MALT1: variants seen among roughly 807,000 people sequenced by gnomAD.
MALT1 encodes MALT1 paracaspase, also known as mucosa-associated lymphoid tissue lymphoma translocation protein 1.
Under a neutral mutation model 85.5 loss-of-function variants are expected in MALT1, and 36 were observed. The ratio of observed to expected loss-of-function variants is 0.42; its 90% CI spans 0.32 to 0.56. The LOEUF is 0.56. Among genes scored for constraint, MALT1 ranks in the 20% least tolerant of loss-of-function variants. MALT1 has a pLI of 0.10. For missense variants in MALT1, 716 were observed against 981.6 expected (o/e 0.73, Z 3.62); for synonymous variants, 359 against 361.3 (o/e 0.99, Z 0.07).
chr18:58,692,063 AAAAAAGAG>A (rs1336581429), intron 2 of MALT1: 1 of 154,248 alleles, frequency 6.5e-6, no homozygotes, highest in African/African-American at 2.4e-5. Flanking sequence ...AAAAAAAAAA[AAAAAAGAG>A]GGTGGTTGTG....
chr18:58,672,229 A>C, intron 1 of MALT1: 3 of 173,704 alleles, frequency 1.7e-5, no homozygotes, highest in Non-Finnish European at 2.4e-5. Context: ...ATGCAAAAGA[A>C]AGGGATGTGG....
Position 58,692,067 on chromosome 18 carries a change from AAGAG to A in MALT1, c.377-4298_377-4295del, listed in dbSNP as rs1396184851. The A allele has an allele frequency of 3.5e-3, 539 of 152,176 alleles. 3 individuals are homozygous for A. The highest frequency in any genetic ancestry group is 0.013 in the African/African-American group (518 of 40,496). 9.4% of individuals were successfully genotyped at this position (152,176 alleles called of 1,614,324 possible). ...TCAAAAAAAAAAAAAAAAAAAAAAA[AAGAG>A]GGTGGTTGTGGAATGCGTTGGGCTG... On this transcript the variant is annotated intron_variant, in intron 2 of 16. Transcript: ENST00000649217.
intron 14 of MALT1, among the ~76,000 whole-genome samples, chr18:58,743,384 G>A (rs1230216905): frequency 6.6e-6 from 1 of 152,042 alleles, no homozygotes; most frequent in Non-Finnish European, 1.5e-5. Context: ...CTCAAAAAAA[G>A]AATTTATTCT....
At chr18:58,698,945 C>G (rs554044938) in intron 3 of MALT1, among the ~76,000 whole-genome samples, 15 of 152,284 alleles carry the variant, frequency 9.9e-5, no homozygotes, top group African/African-American at 2.6e-4. Flanking sequence ...TGGTCTGTTG[C>G]CTGGGGGTAA....
chr18:58,675,368 T>A (rs1481128668), intron 1 of MALT1: 2 of 152,188 alleles, frequency 1.3e-5, no homozygotes, highest in East Asian at 3.8e-4. Flanking sequence ...TTCATGCAGT[T>A]TATTATAGGA....
Position 58,749,775 on chromosome 18 carries a change from C to A in MALT1, c.*1933C>A, listed in dbSNP as rs1292777384. Reference sequence around the variant, plus strand: ...AAAACTCTTTCATAAAAACACTCAACAAACTTAGGAATAAAAGGAATCTTC... The same window carrying A: ...AAAACTCTTTCATAAAAACACTCAAAAAACTTAGGAATAAAAGGAATCTTC... On this transcript the variant is annotated 3_prime_UTR_variant, in exon 17 of 17. Coordinates refer to ENST00000649217, the MANE Select transcript of MALT1 (RefSeq NM_006785.4). The A allele has an allele frequency of 4.7e-6, 1 of 214,978 alleles. No homozygotes were observed. Among genetic ancestry groups the A allele is most frequent in the Non-Finnish European group, 9.4e-6 (1 of 106,576 alleles). 13.3% of individuals were successfully genotyped at this position (214,978 alleles called of 1,614,324 possible).
rs79016036 is a variant in MALT1, at chr18:58,707,437, T to A, written c.650-1941T>A. Among the ~76,000 whole-genome samples, 11 of 152,234 alleles carry A rather than the reference T, an allele frequency of 7.2e-5. No homozygotes were observed. The East Asian group carries it at 7.7e-4, about 11-fold the overall frequency. Reference sequence around the variant, plus strand: ...ATTTCAACATTAGAAAATTTTTTTTTAATTATACTCTAAGTTTTGGGATAC... The same window carrying A: ...ATTTCAACATTAGAAAATTTTTTTTAAATTATACTCTAAGTTTTGGGATAC... On this transcript the variant is annotated intron_variant, in intron 4 of 16. Transcript: ENST00000649217.
At chr18:58,737,479 C>CAAAAAAAAA (rs778635527) in intron 13 of MALT1, among the ~76,000 whole-genome samples, 1 of 102,554 alleles carries the variant, frequency 9.8e-6, no homozygotes, top group Non-Finnish European at 2.2e-5. Flanking sequence ...AGCCCCATCT[C>CAAAAAAAAA]AAAAAAAAAA....
At chr18:58,733,635 G>C in intron 11 of MALT1, 61 bp downstream of exon 11, 1 of 1,296,526 alleles carries the variant, frequency 7.7e-7, no homozygotes, top group Non-Finnish European at 1.1e-6. Flanking sequence ...TGACAAACTA[G>C]AGAAACCTGT....
At chr18:58,680,474 T>C (rs970743945) in intron 1 of MALT1, among the ~76,000 whole-genome samples, 25 of 152,202 alleles carry the variant, frequency 1.6e-4, no homozygotes, top group Non-Finnish European at 3.2e-4. Flanking sequence ...TTGCTAACCT[T>C]GTAACACTGA....
At chr18:58,673,149 G>C (rs1298015902) in intron 1 of MALT1, among the ~76,000 whole-genome samples, 2 of 151,836 alleles carry the variant, frequency 1.3e-5, no homozygotes, top group Admixed American at 6.6e-5. Flanking sequence ...GTTATGTATA[G>C]AGGTTAGTAA....
At chr18:58,733,621 A>G in intron 11 of MALT1, 47 bp downstream of exon 11, 1 of 1,377,894 alleles carries the variant, frequency 7.3e-7, no homozygotes, top group Non-Finnish European at 1.0e-6. Flanking sequence ...TTAAATATCG[A>G]CCATGACAAA....
chr18:58,740,646 T>C (rs1352871964), intron 13 of MALT1, among the ~76,000 whole-genome samples: 2 of 152,208 alleles, frequency 1.3e-5, no homozygotes, highest in Non-Finnish European at 2.9e-5. Context: ...ATTGCTATGC[T>C]TTGAAATTTG....
intron 4 of MALT1, among the ~76,000 whole-genome samples, chr18:58,701,344 G>A (rs12968005): frequency 0.57 from 85,838 of 151,872 alleles, 25,474 homozygotes; most frequent in Non-Finnish European, 0.66. Context: ...ACATCTTTGC[G>A]TCACTTCTTC....
chr18:58,743,664 T>G (rs2055330840), intron 14 of MALT1, among the ~76,000 whole-genome samples: 1 of 152,032 alleles, frequency 6.6e-6, no homozygotes, highest in Non-Finnish European at 1.5e-5. Flanking sequence ...ATGATACAAA[T>G]TCAACAATCC....
At position 58,752,282 on chromosome 18, in the gene MALT1, T is replaced by C. The variant is rs1004298595; in HGVS notation, c.*4440T>C. On this transcript the variant is annotated 3_prime_UTR_variant, in exon 17 of 17. Transcript: ENST00000649217. ...ATCAGTTTAATATCTAGATAAAATC[T>C]GATGTATGTAATTTTACTTTTAAGG... The C allele has an allele frequency of 6.6e-6, 1 of 152,202 alleles. No homozygotes were observed. The highest frequency in any genetic ancestry group is 2.4e-5 in the African/African-American group (1 of 41,462). 9.4% of individuals were successfully genotyped at this position (152,202 alleles called of 1,614,324 possible).
intron 13 of MALT1, chr18:58,741,513 A>G (rs939686613): frequency 6.5e-6 from 1 of 154,950 alleles, no homozygotes. Flanking sequence ...AGGATAAACT[A>G]TAACTTAAAT....
At chr18:58,704,151 A>G (rs7230925) in intron 4 of MALT1, among the ~76,000 whole-genome samples, 113,577 of 152,158 alleles carry the variant, frequency 0.75, 42,518 homozygotes, top group East Asian at 0.82. Context: ...CTCATACAAG[A>G]CCTTTTCTGG....
chr18:58,716,334 C>G (rs1450952187), intron 9 of MALT1, among the ~76,000 whole-genome samples: 1 of 152,104 alleles, frequency 6.6e-6, no homozygotes, highest in Non-Finnish European at 1.5e-5. Flanking sequence ...GCGTTTGCTC[C>G]CCTGTCTTCT....
Sources: allele counts gnomAD v4.1 joint callset (sites outside exome capture counted in the v4.1 genomes callset), GRCh38; gene constraint gnomAD v4.1.1; transcripts MANE v1.5; gene names NCBI Gene and HGNC (gene_info 2026-07-23, HGNC 2026-07-21).